Variants in WDR27 observed in about 807,000 individuals in gnomAD.
WDR27 encodes WD repeat domain 27.
Under a neutral mutation model 114.4 loss-of-function variants are expected in WDR27, and 100 were observed. The observed-to-expected ratio is 0.87, with a 90% CI of 0.74 to 1.03. WDR27 has a LOEUF of 1.03. WDR27 is among the 50% of genes least tolerant of loss of function. The probability of loss-of-function intolerance (pLI) is 0.00; values close to 1 mark genes in which losing one functional copy is unlikely to be tolerated. For missense variants in WDR27, 1,129 were observed against 1,092.9 expected (o/e 1.03, Z -0.47); for synonymous variants, 449 against 423.1 (o/e 1.06, Z -0.75).
intron 25 of WDR27, among the ~76,000 whole-genome samples, chr6:169,524,385 C>T (rs745464521): frequency 2.0e-5 from 3 of 152,006 alleles, no homozygotes; most frequent in Non-Finnish European, 2.9e-5. Context: ...AATGCAATTC[C>T]TATTAAAATT....
chr6:169,624,194 G>C (rs1258781874), intron 21 of WDR27, among the ~76,000 whole-genome samples: 2 of 151,148 alleles, frequency 1.3e-5, no homozygotes, highest in Non-Finnish European at 3.0e-5. Context: ...GTGGCATCAG[G>C]TGTGCGGCAT....
chr6:169,506,949 G>A (rs752054622), intron 25 of WDR27, among the ~76,000 whole-genome samples: 24 of 152,162 alleles, frequency 1.6e-4, no homozygotes, highest in Admixed American at 3.3e-4. Context: ...ACCTTATTAT[G>A]TAGCATATTA....
At chr6:169,593,078 T>A (rs574586343) in intron 23 of WDR27, among the ~76,000 whole-genome samples, 26 of 152,370 alleles carry the variant, frequency 1.7e-4, no homozygotes, top group Non-Finnish European at 3.4e-4. Context: ...CAATTGATAT[T>A]CATAAATGAA....
At chr6:169,452,484 G>A (rs1230490239), downstream of WDR27, among the ~76,000 whole-genome samples, 2 of 152,066 alleles carry the variant, frequency 1.3e-5, no homozygotes, top group Non-Finnish European at 2.9e-5. Context: ...GCGGGACGCA[G>A]CCCCGGACGT....
chr6:169,476,785 T>C (rs369386090), intron 25 of WDR27, among the ~76,000 whole-genome samples: 6 of 152,252 alleles, frequency 3.9e-5, no homozygotes, highest in Admixed American at 6.5e-5. Flanking sequence ...TGTAACTAGA[T>C]ACTGCATGCA....
At chr6:169,666,351 AC>A in intron 6 of WDR27, 1 of 975,298 alleles carries the variant, frequency 1.0e-6, no homozygotes, top group African/African-American at 1.8e-5. Context: ...AGAAGATATA[AC>A]AATAACTCTA....
At chr6:169,535,512 C>A (rs1425700714) in intron 25 of WDR27, among the ~76,000 whole-genome samples, 3 of 151,966 alleles carry the variant, frequency 2.0e-5, no homozygotes, top group Non-Finnish European at 2.9e-5. Flanking sequence ...TTCTTTCTTT[C>A]TTTTATAATC....
intron 23 of WDR27, among the ~76,000 whole-genome samples, chr6:169,588,791 C>T (rs1224370512): frequency 6.6e-6 from 1 of 152,204 alleles, no homozygotes; most frequent in African/African-American, 2.4e-5. Context: ...AACATTTACA[C>T]AGTGTGTCAC....
intron 25 of WDR27, among the ~76,000 whole-genome samples, chr6:169,541,120 A>C (rs949419359): frequency 6.7e-6 from 1 of 149,368 alleles, no homozygotes; most frequent in African/African-American, 2.4e-5. Flanking sequence ...AAGGACCATT[A>C]AGGAAAGGCA....
intron 21 of WDR27, among the ~76,000 whole-genome samples, chr6:169,623,758 T>C (rs1813935818): frequency 6.6e-6 from 1 of 152,230 alleles, no homozygotes; most frequent in Non-Finnish European, 1.5e-5. Flanking sequence ...GGGTACAGCA[T>C]GGTGTTTTGA....
At chr6:169,621,359 C>T (rs748727326) in intron 21 of WDR27, among the ~76,000 whole-genome samples, 18 of 151,664 alleles carry the variant, frequency 1.2e-4, no homozygotes, top group Admixed American at 2.6e-4. Flanking sequence ...TGTAGACATA[C>T]GCACACATGC....
intron 25 of WDR27, among the ~76,000 whole-genome samples, chr6:169,510,729 T>C (rs1480625519): frequency 1.3e-5 from 2 of 151,964 alleles, no homozygotes; most frequent in African/African-American, 4.8e-5. Flanking sequence ...CATGTATACA[T>C]ATGTAACAAA....
intron 16 of WDR27, among the ~76,000 whole-genome samples, chr6:169,646,626 T>C (rs1246919275): frequency 1.3e-5 from 2 of 151,622 alleles, no homozygotes; most frequent in East Asian, 1.9e-4. Flanking sequence ...TGCACACCTG[T>C]AATCCTAGCT....
Position 169,667,211 on chromosome 6 carries a change from T to C in WDR27, c.661-24A>G, listed in dbSNP as rs1828083214. On this transcript the variant is annotated intron_variant, in intron 5 of 25. Transcript: ENST00000448612. ...ACCTTTGGATAAACACAGGATTCTTTAGAAGAGGTAACAACGTTGCCATTA... is the reference window on the plus strand; with the variant it reads ...ACCTTTGGATAAACACAGGATTCTTCAGAAGAGGTAACAACGTTGCCATTA... The C allele has an allele frequency of 2.0e-6, 3 of 1,489,508 alleles. No individual in the cohort carries two copies. The East Asian group carries it at 7.8e-5, about 39-fold the overall frequency. The allele number at this position is 1,489,508 out of a possible 1,614,324, so 92.3% of individuals were successfully genotyped here.
chr6:169,547,915 CAA>C (rs533209620), intron 25 of WDR27, among the ~76,000 whole-genome samples: 1 of 130,274 alleles, frequency 7.7e-6, no homozygotes. Flanking sequence ...AAGAATTTAC[CAA>C]AAAAAAAAAA....
At chr6:169,681,315 CCACTCATAT>C (rs1354174713) in intron 2 of WDR27, among the ~76,000 whole-genome samples, 9 of 152,120 alleles carry the variant, frequency 5.9e-5, no homozygotes, top group African/African-American at 2.2e-4. Context: ...AGAAGCTAAC[CCACTCATAT>C]CTCCCGACAA....
chr6:169,672,342 T>C lies in WDR27; in HGVS notation c.244A>G (p.Lys82Glu). ...QPITAMAFGN[K>E]VNPLLICSAS... ...GAGCAGATTAGAAGTGGGTTCACTT[T>C]ATTTCCAAAAGCCATAGCAGTAATT... The change falls in exon 3 of 26, where the codon AAA becomes GAA. Residue 82 changes from lysine to glutamate, a missense_variant. Lys to Glu is a moderately conservative substitution (Grantham distance 56). Transcript: ENST00000448612. 1.2e-6 allele frequency: 2 copies of C among 1,612,812 alleles called. No homozygotes were observed. The highest frequency in any genetic ancestry group is 1.7e-6 in the Non-Finnish European group (2 of 1,179,206).
At chr6:169,593,674 C>A (rs1182067984) in intron 23 of WDR27, among the ~76,000 whole-genome samples, 1 of 151,982 alleles carries the variant, frequency 6.6e-6, no homozygotes. Context: ...ATAGTGAAAC[C>A]CCATCTCTAC....
At chr6:169,579,259 G>A (rs193245084) in intron 24 of WDR27, among the ~76,000 whole-genome samples, 1 of 152,316 alleles carries the variant, frequency 6.6e-6, no homozygotes, top group African/African-American at 2.4e-5. Flanking sequence ...CTGTAATGTG[G>A]AGGTAGAAGA....
Sources: allele counts gnomAD v4.1 joint callset (sites outside exome capture counted in the v4.1 genomes callset), GRCh38; gene constraint gnomAD v4.1.1; transcripts MANE v1.5; gene names NCBI Gene and HGNC (gene_info 2026-07-23, HGNC 2026-07-21).